The following TMEM128 variants were observed in gnomAD, a reference collection of about 807,000 sequenced individuals.
TMEM128 encodes transmembrane protein 128.
TMEM128 carries 16 observed loss-of-function variants against 19.7 expected under a neutral mutation model. That is an observed-to-expected ratio of 0.81 (90% CI 0.55 to 1.23). The LOEUF is 1.23. Ranked by LOEUF, TMEM128 falls within the 50% of genes most tolerant of loss-of-function variation. The probability of loss-of-function intolerance (pLI) is 0.00; values close to 1 mark genes in which losing one functional copy is unlikely to be tolerated. For synonymous variants in TMEM128, 98 were observed against 75.8 expected (o/e 1.29, Z -1.52); for missense variants, 237 against 200.8 (o/e 1.18, Z -1.09).
chr4:4,237,606 C>T (rs879088751), intron 4 of TMEM128, among the ~76,000 whole-genome samples: 4 of 152,226 alleles, frequency 2.6e-5, no homozygotes, highest in South Asian at 2.1e-4. Flanking sequence ...ATCATGCCAC[C>T]GTACTCCAGC....
At chr4:4,242,526 T>A (rs1227721224) in intron 2 of TMEM128, among the ~76,000 whole-genome samples, 2 of 73,768 alleles carry the variant, frequency 2.7e-5, no homozygotes, top group East Asian at 6.9e-4. Context: ...AAAAAAAATT[T>A]TTTTTTTTTG....
chr4:4,242,717 C>G (rs1436514239), intron 2 of TMEM128, among the ~76,000 whole-genome samples: 1 of 152,060 alleles, frequency 6.6e-6, no homozygotes, highest in African/African-American at 2.4e-5. Flanking sequence ...TGGGGTCTCA[C>G]CATGTTGGCC....
At chr4:4,242,459 ACCCCT>A (rs1717997900) in intron 2 of TMEM128, among the ~76,000 whole-genome samples, 1 of 151,744 alleles carries the variant, frequency 6.6e-6, no homozygotes, top group African/African-American at 2.4e-5. Context: ...TTTTATCATT[ACCCCT>A]AAGGAGTCTT....
At chr4:4,237,657 G>A (rs1256547863) in intron 4 of TMEM128, among the ~76,000 whole-genome samples, 170 bp downstream of exon 4, 1 of 152,150 alleles carries the variant, frequency 6.6e-6, no homozygotes, top group East Asian at 1.9e-4. Flanking sequence ...ACAAAAAGGA[G>A]TCTATCTCAG....
chr4:4,240,923 C>G (rs1717932803), intron 2 of TMEM128, among the ~76,000 whole-genome samples: 1 of 152,086 alleles, frequency 6.6e-6, no homozygotes, highest in East Asian at 1.9e-4. Flanking sequence ...ACTAAAAATA[C>G]AAAATTAGCC....
chr4:4,237,959 G>A, intron 3 of TMEM128, 24 bp from the exon 4 acceptor site: 1 of 1,423,102 alleles, frequency 7.0e-7, no homozygotes, highest in Non-Finnish European at 9.6e-7. Context: ...GACATAAACA[G>A]TTGACAACTC....
chr4:4,244,775 G>A (rs1718099841), intron 2 of TMEM128, among the ~76,000 whole-genome samples: 1 of 152,116 alleles, frequency 6.6e-6, no homozygotes, highest in Non-Finnish European at 1.5e-5. Flanking sequence ...CTTCCTATGG[G>A]CAGCCGACTT....
At chr4:4,237,749 C>G in intron 4 of TMEM128, 78 bp downstream of exon 4, 1 of 794,126 alleles carries the variant, frequency 1.3e-6, no homozygotes. Context: ...TCTGTTACAG[C>G]TCCATCCACT....
At chr4:4,238,433 T>C (rs957809541) in intron 3 of TMEM128, among the ~76,000 whole-genome samples, 2 of 152,228 alleles carry the variant, frequency 1.3e-5, no homozygotes, top group Admixed American at 1.3e-4. Context: ...TTTTAATGAC[T>C]GAAATTTCTA....
At chr4:4,247,187 G>A (rs1469323507) in intron 1 of TMEM128, among the ~76,000 whole-genome samples, 1 of 152,144 alleles carries the variant, frequency 6.6e-6, no homozygotes, top group African/African-American at 2.4e-5. Flanking sequence ...TGTCTGGAAC[G>A]CAATCTGAAA....
In TMEM128 at chr4:4,238,829, T is replaced by C. The variant is rs554868590; in HGVS notation, c.399-894A>G. On this transcript the variant is annotated intron_variant, in intron 3 of 4. Coordinates refer to ENST00000382753, the MANE Select transcript of TMEM128 (RefSeq NM_001297551.2). ...AAGCAGATGGCTTGAGGCCAGGAGT[T>C]TGAGACCTGCCTGAGCAGCACAGCG... Among the ~76,000 whole-genome samples the C allele has an allele frequency of 2.5e-4, 38 of 152,222 alleles. No individual in the cohort carries two copies. The East Asian group carries it at 7.1e-3, about 29-fold the overall frequency.
At chr4:4,237,552 G>A (rs369117620) in intron 4 of TMEM128, among the ~76,000 whole-genome samples, 17 of 152,288 alleles carry the variant, frequency 1.1e-4, no homozygotes, top group African/African-American at 3.4e-4. Context: ...TGAGGTGGGA[G>A]GATTGCTTGA....
intron 2 of TMEM128, among the ~76,000 whole-genome samples, chr4:4,245,339 G>A (rs915355128): frequency 3.9e-5 from 6 of 152,050 alleles, no homozygotes; most frequent in African/African-American, 1.2e-4. Flanking sequence ...ATCTGGTCTG[G>A]CCACAAAGCT....
chr4:4,248,027 G>A (rs574833047), intron 1 of TMEM128, 79 bp downstream of exon 1: 2 of 1,515,266 alleles, frequency 1.3e-6, no homozygotes, highest in African/African-American at 1.4e-5. Flanking sequence ...CTTCCAGACT[G>A]GGCCAGGGCT....
intron 2 of TMEM128, among the ~76,000 whole-genome samples, chr4:4,242,245 G>A (rs1408796495): frequency 6.6e-6 from 1 of 151,976 alleles, no homozygotes; most frequent in Admixed American, 6.6e-5. Context: ...AAATGTCCAT[G>A]TTCATCTTTA....
chr4:4,246,491 T>G (rs887155976), intron 1 of TMEM128, 148 bp from the exon 2 acceptor site: 22 of 736,342 alleles, frequency 3.0e-5, no homozygotes, highest in Non-Finnish European at 4.1e-5. Flanking sequence ...GAGATAGGTT[T>G]ATATTTACAA....
intron 2 of TMEM128, among the ~76,000 whole-genome samples, chr4:4,243,467 A>G (rs1479130161): frequency 6.6e-6 from 1 of 152,204 alleles, no homozygotes; most frequent in East Asian, 1.9e-4. Flanking sequence ...CTTAGGCTAG[A>G]GCCAGAGGAA....
rs760962844 is a variant in TMEM128, at chr4:4,246,194, T to A, written c.239+8A>T. On this transcript the variant is annotated splice_region_variant and intron_variant, in intron 2 of 4. Coordinates refer to ENST00000382753, the MANE Select transcript of TMEM128 (RefSeq NM_001297551.2). ...GGTTTAATTTACAAAGCAATAAAAT[T>A]TTCTTACCTGCTAGTGTGGAAGTTT... 6.3e-7 allele frequency: 1 copy of A among 1,579,010 alleles called. No individual in the cohort carries two copies. The highest frequency in any genetic ancestry group is 2.3e-5 in the East Asian group (1 of 44,390).
intron 3 of TMEM128, among the ~76,000 whole-genome samples, chr4:4,239,451 A>C (rs1053584316): frequency 1.3e-5 from 2 of 149,684 alleles, no homozygotes; most frequent in African/African-American, 5.1e-5. Flanking sequence ...AGAAAAGGAC[A>C]AACAACCACT....
Sources: gnomAD v4.1 joint callset for allele counts (sites outside exome capture counted in the v4.1 genomes callset) on GRCh38, gnomAD v4.1.1 for gene constraint, MANE v1.5 for transcripts, NCBI Gene and HGNC (gene_info 2026-07-23, HGNC 2026-07-21) for gene names.